ARSJ: variants seen among roughly 807,000 people sequenced by gnomAD.
ARSJ encodes arylsulfatase J.
A neutral mutation model predicts 35.9 loss-of-function variants in ARSJ; 26 were observed. The ratio of observed to expected loss-of-function variants is 0.72; its 90% CI spans 0.53 to 1.00. The LOEUF (loss-of-function observed/expected upper bound fraction) is 1.00, where lower values mean the gene tolerates loss of function less well. Among genes scored for constraint, ARSJ ranks in the 50% least tolerant of loss-of-function variants. ARSJ has a pLI of 0.00. For missense variants in ARSJ, 667 were observed against 723.6 expected, an observed-to-expected ratio of 0.92 and a Z score of 0.90; for synonymous variants, 294 against 267.6, an observed-to-expected ratio of 1.10 and a Z score of -0.96.
chr4:113,937,226 C>A (rs768350330), intron 1 of ARSJ, among the ~76,000 whole-genome samples: 1 of 151,916 alleles, frequency 6.6e-6, no homozygotes, highest in African/African-American at 2.4e-5. Flanking sequence ...TTTTCCACCA[C>A]TTCTGACCAC....
chr4:113,940,162 T>G (rs1211725946), intron 1 of ARSJ, among the ~76,000 whole-genome samples: 1 of 152,128 alleles, frequency 6.6e-6, no homozygotes, highest in Non-Finnish European at 1.5e-5. Flanking sequence ...GGAATATAAA[T>G]CATTCTGTTA....
chr4:113,903,185 G>C lies in ARSJ; in HGVS notation c.889C>G (p.Leu297Val). 6.2e-7 allele frequency: 1 copy of C among 1,614,170 alleles called. No individual in the cohort carries two copies. ...NINRRRYAAM[L>V]SCLDEAINNV... is the part of the protein sequence containing the mutation. ...TTGATTGCTTCATCTAAGCAGGAAA[G>C]CATGGCAGCATATCTCCTCCTGTTT... The change falls in exon 2 of 2, where the codon CTT (leucine) becomes GTT (valine). Residue 297 changes from leucine to valine, a missense_variant. Leu to Val is a conservative substitution (Grantham distance 32). Transcript: ENST00000315366.
At chr4:113,916,935 G>C (rs2149256071) in intron 1 of ARSJ, among the ~76,000 whole-genome samples, 1 of 152,206 alleles carries the variant, frequency 6.6e-6, no homozygotes, top group South Asian at 2.1e-4. Context: ...TGAATCTAAA[G>C]GAATATTCAT....
Position 113,901,566 on chromosome 4 carries a change from C to T in ARSJ, c.*708G>A, listed in dbSNP as rs1408511304. 2.0e-5 allele frequency: 3 copies of T among 152,500 alleles called. No individual in the cohort carries two copies. The highest frequency in any genetic ancestry group is 2.1e-4 in the South Asian group (1 of 4,826). 9.4% of individuals were successfully genotyped at this position (152,500 alleles called of 1,614,324 possible). A position where few individuals can be genotyped will look rare whatever the true frequency, so the allele number is the denominator to read the frequency against. On this transcript the variant is annotated 3_prime_UTR_variant, in exon 2 of 2. Coordinates refer to ENST00000315366, the MANE Select transcript of ARSJ (RefSeq NM_024590.4). The stretch of plus-strand genomic sequence containing the variant: ...AGGTTTTTTATACTGAAATGTTCTT[C>T]TAGTAAAGTGTTTAGAAAATAGTTA...
At chr4:113,959,798 G>GA (rs1311832128) in intron 1 of ARSJ, among the ~76,000 whole-genome samples, 1 of 151,994 alleles carries the variant, frequency 6.6e-6, no homozygotes, top group Admixed American at 6.6e-5. Flanking sequence ...TTTGGTTTCT[G>GA]AAAAATGGAA....
chr4:113,915,289 G>A (rs1035307162), intron 1 of ARSJ, among the ~76,000 whole-genome samples: 1 of 152,072 alleles, frequency 6.6e-6, no homozygotes, highest in Non-Finnish European at 1.5e-5. Flanking sequence ...ATTTTGAATA[G>A]TTTATTTAGG....
intron 1 of ARSJ, among the ~76,000 whole-genome samples, chr4:113,937,023 G>A (rs1283025113): frequency 6.6e-6 from 1 of 151,840 alleles, no homozygotes; most frequent in Non-Finnish European, 1.5e-5. Flanking sequence ...TTCAAAGAAA[G>A]TTAACCAACA....
chr4:113,918,968 T>C (rs1207044842), intron 1 of ARSJ, among the ~76,000 whole-genome samples: 2 of 152,116 alleles, frequency 1.3e-5, no homozygotes, highest in Non-Finnish European at 2.9e-5. Context: ...CATTTTTTCT[T>C]TAAATTACCT....
intron 1 of ARSJ, among the ~76,000 whole-genome samples, chr4:113,966,683 C>T (rs1726912859): frequency 6.6e-6 from 1 of 152,168 alleles, no homozygotes; most frequent in Non-Finnish European, 1.5e-5. Context: ...AAAAAAACTG[C>T]TGGCATTTTT....
At chr4:113,934,078 T>G (rs1335426874) in intron 1 of ARSJ, among the ~76,000 whole-genome samples, 2 of 151,754 alleles carry the variant, frequency 1.3e-5, no homozygotes, top group African/African-American at 4.8e-5. Context: ...CCAACTAAAA[T>G]GACTTGTATC....
chr4:113,973,672 C>T (rs903190856), intron 1 of ARSJ, among the ~76,000 whole-genome samples: 5 of 152,170 alleles, frequency 3.3e-5, no homozygotes, highest in Non-Finnish European at 7.3e-5. Context: ...CTCTCGCCCT[C>T]TCTCGTTAAA....
chr4:113,928,889 A>C (rs1724249094), intron 1 of ARSJ, among the ~76,000 whole-genome samples: 1 of 152,142 alleles, frequency 6.6e-6, no homozygotes, highest in Admixed American at 6.6e-5. Flanking sequence ...CCACCATCCC[A>C]ATCTCCCTAA....
intron 1 of ARSJ, among the ~76,000 whole-genome samples, chr4:113,960,512 C>A (rs1726478573): frequency 6.6e-6 from 1 of 151,944 alleles, no homozygotes; most frequent in African/African-American, 2.4e-5. Context: ...ACTGCCTCAA[C>A]TTTAATAGCT....
intron 1 of ARSJ, among the ~76,000 whole-genome samples, chr4:113,964,072 C>A (rs1726737110): frequency 2.6e-5 from 4 of 151,938 alleles, no homozygotes; most frequent in South Asian, 4.1e-4. Context: ...GGAAACGAAC[C>A]ATTGAATTAT....
chr4:113,977,978 T>C (rs1727692528), intron 1 of ARSJ, among the ~76,000 whole-genome samples: 1 of 152,224 alleles, frequency 6.6e-6, no homozygotes, highest in Non-Finnish European at 1.5e-5. Context: ...TTACTCTATA[T>C]CTGTTTCGTT....
chr4:113,967,460 T>A (rs1308725872), intron 1 of ARSJ, among the ~76,000 whole-genome samples: 1 of 152,132 alleles, frequency 6.6e-6, no homozygotes, highest in Non-Finnish European at 1.5e-5. Flanking sequence ...TTTGCCCCTA[T>A]GGTCTTATTT....
intron 1 of ARSJ, among the ~76,000 whole-genome samples, chr4:113,949,237 G>C (rs954822053): frequency 6.6e-5 from 10 of 152,064 alleles, no homozygotes; most frequent in African/African-American, 1.7e-4. Context: ...ACCTAATGTA[G>C]ATGGCGGTTG....
chr4:113,924,026 TATATATATAA>T (rs1357471331), intron 1 of ARSJ, among the ~76,000 whole-genome samples: 1,379 of 122,550 alleles, frequency 0.011, 10 homozygotes, highest in Non-Finnish European at 0.017. Flanking sequence ...AATCTACATA[TATATATATAA>T]ATATATATAA....
chr4:113,943,484 T>G (rs1372045546), intron 1 of ARSJ: 1 of 152,032 alleles, frequency 6.6e-6, no homozygotes, highest in Non-Finnish European at 1.5e-5. Flanking sequence ...AAATATTCAG[T>G]GAACACTACT....
Sources: gnomAD v4.1 joint callset for allele counts (sites outside exome capture counted in the v4.1 genomes callset) on GRCh38, gnomAD v4.1.1 for gene constraint, MANE v1.5 for transcripts, NCBI Gene and HGNC (gene_info 2026-07-23, HGNC 2026-07-21) for gene names.